Variants in MYG1 observed in about 807,000 individuals in gnomAD.
MYG1 encodes the protein MYG1 exonuclease.
In MYG1, 36 loss-of-function variants were observed where a neutral mutation model predicts 43.5. The observed-to-expected ratio is 0.83, with a 90% CI of 0.63 to 1.09. The LOEUF (loss-of-function observed/expected upper bound fraction) is 1.09. MYG1 is among the 50% of genes least tolerant of loss of function. The pLI, the probability that MYG1 is intolerant of heterozygous loss-of-function variation, is 0.00. For missense variants in MYG1, 529 were observed against 495.1 expected (o/e 1.07, Z -0.65); for synonymous variants, 220 against 202.8 (o/e 1.08, Z -0.72).
chr12:53,301,038 G>A (rs1944228268), intron 2 of MYG1, among the ~76,000 whole-genome samples: 1 of 151,438 alleles, frequency 6.6e-6, no homozygotes, highest in Non-Finnish European at 1.5e-5. Flanking sequence ...TCCTGTCTCA[G>A]CCTCCCGAGT....
chr12:53,306,120 G>A (rs1944276583), intron 4 of MYG1, 60 bp downstream of exon 4: 1 of 1,608,324 alleles, frequency 6.2e-7, no homozygotes, highest in Non-Finnish European at 8.5e-7. Flanking sequence ...GGGGAAAATG[G>A]GAGCATTTGC....
At chr12:53,305,871 G>A in intron 3 of MYG1, 37 bp from the exon 4 acceptor site, 1 of 1,552,338 alleles carries the variant, frequency 6.4e-7, no homozygotes, top group Non-Finnish European at 8.7e-7. Context: ...ATAAGTAGCA[G>A]GTAGCCTCAA....
chr12:53,306,881 C>T lies in MYG1; in HGVS notation c.947+20C>T, dbSNP rs1197105033. The T allele has an allele frequency of 6.2e-7, 1 of 1,609,220 alleles. No homozygotes were observed. Among genetic ancestry groups the T allele is most frequent in the African/African-American group, 1.3e-5 (1 of 74,848 alleles). The stretch of plus-strand genomic sequence containing the variant: ...AAGCCGGTGAGGCCCTAGGGAACCA[C>T]TCTGCAGACCTTCAGGCTTGTCTCA... On this transcript the variant is annotated intron_variant, in intron 6 of 6. Coordinates refer to ENST00000267103, the MANE Select transcript of MYG1 (RefSeq NM_021640.4).
At position 53,306,751 on chromosome 12, in the gene MYG1, G is replaced by T; in HGVS notation, c.837G>T (p.Leu279=). The T allele has an allele frequency of 6.2e-7, 1 of 1,614,210 alleles. No individual in the cohort carries two copies. The highest frequency in any genetic ancestry group is 8.5e-7 in the Non-Finnish European group (1 of 1,180,038). Reference sequence around the variant, plus strand: ...CCTGGAAGGAGCATCTCTACCACCTGGAATCTGGGCTGTCCCCTCCAGTGG... The same window carrying T: ...CCTGGAAGGAGCATCTCTACCACCTTGAATCTGGGCTGTCCCCTCCAGTGG... ...ACPWKEHLYH[L]ESGLSPPVAI... is the part of the protein sequence containing the mutation. Residue 279 remains leucine (L), a synonymous_variant, in exon 6 of 7, where the codon CTG becomes CTT. Transcript: ENST00000267103.
At chr12:53,303,485 T>G (rs1944246312) in intron 3 of MYG1, 1 of 312,834 alleles carries the variant, frequency 3.2e-6, no homozygotes, top group Non-Finnish European at 6.0e-6. Context: ...CAAACAGCAA[T>G]TGCTCAGCAC....
chr12:53,305,025 C>T (rs879696485), intron 3 of MYG1, among the ~76,000 whole-genome samples: 28 of 151,732 alleles, frequency 1.8e-4, no homozygotes, highest in Non-Finnish European at 2.9e-4. Context: ...CCCGCCACTA[C>T]GCCCGGCTAA....
At position 53,307,084 on chromosome 12, in the gene MYG1, G is replaced by A; in HGVS notation, c.1066G>A (p.Glu356Lys). 1 of 1,614,194 alleles carries A rather than the reference G, an allele frequency of 6.2e-7. No individual in the cohort carries two copies. Among genetic ancestry groups the A allele is most frequent in the Non-Finnish European group, 8.5e-7 (1 of 1,180,010 alleles). ...SGFTGGHHTR[E>K]GALSMARATL... The stretch of plus-strand genomic sequence containing the variant: ...CTTCACTGGCGGTCACCACACCCGA[G>A]AGGGTGCCTTGAGCATGGCCCGTGC... Residue 356 changes from glutamate to lysine, a missense_variant, in exon 7 of 7, where the codon GAG becomes AAG. Transcript: ENST00000267103.
chr12:53,304,814 A>T (rs1302510752), intron 3 of MYG1, among the ~76,000 whole-genome samples: 2 of 1,470 alleles, frequency 1.4e-3, no homozygotes, highest in Non-Finnish European at 0.022. Flanking sequence ...GGCTGGACTC[A>T]AAAACTCCTG....
intron 3 of MYG1, among the ~76,000 whole-genome samples, chr12:53,304,505 A>G (rs955446508): frequency 5.9e-5 from 9 of 151,344 alleles, no homozygotes; most frequent in Non-Finnish European, 1.2e-4. Context: ...GGCTGGTCTC[A>G]AACTCCTGAC....
At position 53,299,838 on chromosome 12, in the gene MYG1, CA is replaced by C. The variant is rs1944210025; in HGVS notation, c.105del (p.Lys35AsnfsTer82). ...CTCGGTCCAGAGTCCGTCCCGCCCCCAAAACGATCCCGCAGCAAACTCATGG... is the reference window on the plus strand; with the variant it reads ...CTCGGTCCAGAGTCCGTCCCGCCCCCAAACGATCCCGCAGCAAACTCATGG... ...RMLGPESVPP[P>X]KRSRSKLMAP... On this transcript the variant is annotated frameshift_variant, in exon 1 of 7. Coordinates refer to ENST00000267103, the MANE Select transcript of MYG1 (RefSeq NM_021640.4). LOFTEE classifies it high-confidence loss of function. The C allele has an allele frequency of 6.2e-7, 1 of 1,614,104 alleles. No individual in the cohort carries two copies. The highest frequency in any genetic ancestry group is 1.3e-5 in the African/African-American group (1 of 74,938).
At chr12:53,304,525 C>T (rs1179025562) in intron 3 of MYG1, among the ~76,000 whole-genome samples, 3 of 151,404 alleles carry the variant, frequency 2.0e-5, no homozygotes, top group South Asian at 2.1e-4. Flanking sequence ...CCTCAAGTAA[C>T]GCACCCACCT....
chr12:53,305,667 G>A, intron 3 of MYG1: 1 of 434,032 alleles, frequency 2.3e-6, no homozygotes, highest in Non-Finnish European at 4.0e-6. Flanking sequence ...TTTGGTTTGG[G>A]CTTTGTGCAG....
intron 2 of MYG1, among the ~76,000 whole-genome samples, chr12:53,301,934 C>T (rs1944235469): frequency 6.6e-6 from 1 of 152,106 alleles, no homozygotes. Flanking sequence ...GCCTCAGTCT[C>T]CCAAAGTGCT....
In MYG1 at chr12:53,300,131, A is replaced by G; in HGVS notation, c.217-19A>G. 1 of 1,575,124 alleles carries G rather than the reference A, an allele frequency of 6.3e-7. No homozygotes were observed. Among genetic ancestry groups the G allele is most frequent in the Non-Finnish European group, 8.6e-7 (1 of 1,157,604 alleles). ...CCCGGCGACACCCGGCAGCCCCTTCACCCCTGTGTACCTCGCAGGATGCAG... is the reference window on the plus strand; with the variant it reads ...CCCGGCGACACCCGGCAGCCCCTTCGCCCCTGTGTACCTCGCAGGATGCAG... On this transcript the variant is annotated intron_variant, in intron 1 of 6. Coordinates refer to ENST00000267103, the MANE Select transcript of MYG1 (RefSeq NM_021640.4).
chr12:53,306,136 C>T, intron 4 of MYG1, 62 bp from the exon 5 acceptor site: 1 of 1,612,516 alleles, frequency 6.2e-7, no homozygotes, highest in Non-Finnish European at 8.5e-7. Context: ...TTTGCTCCTC[C>T]TAAGCCCTAG....
At position 53,306,972 on chromosome 12, in the gene MYG1, C is replaced by T. The variant is rs764525199; in HGVS notation, c.954C>T (p.Pro318=). Residue 318 remains proline (P), a synonymous_variant, in exon 7 of 7, where the codon CCC becomes CCT. Transcript: ENST00000267103. ...ACTCCCTCTTTCTGCCCAGGCTGCC[C>T]CTGCCAGAGCCATGGCGGGGTCTTC... ...KEPHSFQSRL[P]LPEPWRGLRD... is the part of the protein sequence containing the mutation. The T allele has an allele frequency of 9.9e-6, 16 of 1,613,364 alleles. No homozygotes were observed. Among genetic ancestry groups the T allele is most frequent in the Non-Finnish European group, 1.4e-5 (16 of 1,179,646 alleles).
At chr12:53,303,697 G>C (rs1320498823) in intron 3 of MYG1, 1 of 154,884 alleles carries the variant, frequency 6.5e-6, no homozygotes, top group Non-Finnish European at 1.4e-5. Context: ...GCAGCTTCCT[G>C]CTCTTAGGGA....
chr12:53,299,961 C>G lies in MYG1; in HGVS notation c.216+8C>G. 1.9e-6 allele frequency: 3 copies of G among 1,614,060 alleles called. No individual in the cohort carries two copies. The highest frequency in any genetic ancestry group is 2.5e-6 in the Non-Finnish European group (3 of 1,179,966). Reference sequence around the variant, plus strand: ...CTCCTGCCGGAGTACCGGGTACGGTCCGCGAAAAGTGACCCTGGGACTGCG... The same window carrying G: ...CTCCTGCCGGAGTACCGGGTACGGTGCGCGAAAAGTGACCCTGGGACTGCG... On this transcript the variant is annotated splice_region_variant and intron_variant, in intron 1 of 6. Transcript: ENST00000267103.
intron 2 of MYG1, 122 bp downstream of exon 2, chr12:53,300,384 A>C: frequency 1.4e-6 from 1 of 711,098 alleles, no homozygotes; most frequent in Non-Finnish European, 2.3e-6. Flanking sequence ...CTGAAATCAA[A>C]CTCCCACTAG....
Sources: allele counts gnomAD v4.1 joint callset (sites outside exome capture counted in the v4.1 genomes callset), GRCh38; gene constraint gnomAD v4.1.1; transcripts MANE v1.5; gene names NCBI Gene and HGNC (gene_info 2026-07-23, HGNC 2026-07-21).